ATCAY: variants seen among roughly 807,000 people sequenced by gnomAD.
The protein encoded by ATCAY is ATCAY kinesin light chain interacting caytaxin.
ATCAY carries 22 observed loss-of-function variants against 47.7 expected under a neutral mutation model. The ratio of observed to expected loss-of-function variants is 0.46; its 90% CI spans 0.33 to 0.66. ATCAY has a LOEUF of 0.66. ATCAY is among the 30% of genes least tolerant of loss of function. ATCAY has a pLI of 0.02. For synonymous variants in ATCAY, 216 were observed against 207.6 expected, an observed-to-expected ratio of 1.04 and a Z score of -0.35; for missense variants, 452 against 515.0, an observed-to-expected ratio of 0.88 and a Z score of 1.18.
Position 3,885,716 on chromosome 19 carries a change from C to T in ATCAY, c.-41-11C>T. 1 of 1,501,488 alleles carries T rather than the reference C, an allele frequency of 6.7e-7. No individual in the cohort carries two copies. The highest frequency in any genetic ancestry group is 1.4e-5 in the African/African-American group (1 of 72,084). 93.0% of individuals were successfully genotyped at this position (1,501,488 alleles called of 1,614,324 possible). Reference sequence around the variant, plus strand: ...TCCAGTAAAACCCATTCCTCTGCGGCTTCCTTTCAGGGGTCATCCCTGCTT... The same window carrying T: ...TCCAGTAAAACCCATTCCTCTGCGGTTTCCTTTCAGGGGTCATCCCTGCTT... On this transcript the variant is annotated splice_polypyrimidine_tract_variant and intron_variant, in intron 1 of 12. Coordinates refer to ENST00000450849, the MANE Select transcript of ATCAY (RefSeq NM_033064.5).
intron 1 of ATCAY, among the ~76,000 whole-genome samples, chr19:3,882,186 T>A (rs1451228645): frequency 6.6e-6 from 1 of 152,074 alleles, no homozygotes; most frequent in African/African-American, 2.4e-5. Flanking sequence ...GGGCCTTAGA[T>A]GCTTCATGTA....
In ATCAY at chr19:3,919,178, C is replaced by T. The variant is rs540744288; in HGVS notation, c.1073+301C>T. ...CTGTAATCCCAGCTACTTGGGAGGCCGAGGCAGGAGATTCGCTTGAACCCA... is the reference window on the plus strand; with the variant it reads ...CTGTAATCCCAGCTACTTGGGAGGCTGAGGCAGGAGATTCGCTTGAACCCA... On this transcript the variant is annotated intron_variant, in intron 11 of 12. Coordinates refer to ENST00000450849, the MANE Select transcript of ATCAY (RefSeq NM_033064.5). Among the ~76,000 whole-genome samples the T allele has an allele frequency of 6.0e-5, 9 of 149,762 alleles. No individual in the cohort carries two copies. In the East Asian group the frequency reaches 7.9e-4, roughly 13 times the overall value.
At chr19:3,898,676 GTTGTTTGTTTGT>G (rs746138288) in intron 2 of ATCAY, among the ~76,000 whole-genome samples, 1 of 151,950 alleles carries the variant, frequency 6.6e-6, no homozygotes, top group African/African-American at 2.4e-5. Context: ...ATGGACTGGT[GTTGTTTGTTTGT>G]TTGTTTGTTT....
chr19:3,898,801 C>T (rs1196953699), intron 2 of ATCAY, among the ~76,000 whole-genome samples: 1 of 152,102 alleles, frequency 6.6e-6, no homozygotes, highest in Non-Finnish European at 1.5e-5. Context: ...CTTGCCTCAG[C>T]CTCCCAAGTA....
Position 3,898,743 on chromosome 19 carries a change from G to A in ATCAY, c.78-3744G>A, listed in dbSNP as rs545652516. 5.3e-5 allele frequency among the ~76,000 whole-genome samples: 8 copies of A among 152,168 alleles called. No homozygotes were observed. In the East Asian group the frequency reaches 9.7e-4, roughly 18 times the overall value. The stretch of plus-strand genomic sequence containing the variant: ...TGTCCCCAGGCTGGAGTGTAGTGGC[G>A]TGACTTCAGCTCACTGCAACTTCCA... On this transcript the variant is annotated intron_variant, in intron 2 of 12. Coordinates refer to ENST00000450849, the MANE Select transcript of ATCAY (RefSeq NM_033064.5).
intron 3 of ATCAY, among the ~76,000 whole-genome samples, chr19:3,904,911 G>C (rs930161908): frequency 6.6e-6 from 1 of 152,038 alleles, no homozygotes; most frequent in African/African-American, 2.4e-5. Context: ...CCAGGCTGGA[G>C]TGCAATGGTA....
At chr19:3,892,150 A>T (rs1235113726) in intron 2 of ATCAY, among the ~76,000 whole-genome samples, 3 of 151,942 alleles carry the variant, frequency 2.0e-5, no homozygotes, top group Non-Finnish European at 4.4e-5. Context: ...TCAGCTTCCC[A>T]AAGTGCTGGG....
intron 2 of ATCAY, among the ~76,000 whole-genome samples, chr19:3,893,222 G>A (rs1379576529): frequency 6.7e-6 from 1 of 148,260 alleles, no homozygotes; most frequent in Non-Finnish European, 1.5e-5. Flanking sequence ...CGCCCAGGCT[G>A]GAGTGCAGTA....
chr19:3,896,288 G>A (rs1599281774), intron 2 of ATCAY, among the ~76,000 whole-genome samples: 1 of 144,442 alleles, frequency 6.9e-6, no homozygotes, highest in African/African-American at 2.6e-5. Context: ...TTTTTCTCGA[G>A]ACAGAGTCTC....
chr19:3,892,512 C>A (rs2038727222), intron 2 of ATCAY, among the ~76,000 whole-genome samples: 2 of 152,154 alleles, frequency 1.3e-5, no homozygotes, highest in Non-Finnish European at 2.9e-5. Flanking sequence ...ATTTGATATA[C>A]TTCCAAACTT....
chr19:3,913,791 C>T lies in ATCAY; in HGVS notation c.900C>T (p.His300=). 1 of 1,613,894 alleles carries T rather than the reference C, an allele frequency of 6.2e-7. No homozygotes were observed. Among genetic ancestry groups the T allele is most frequent in the South Asian group, 1.1e-5 (1 of 91,078 alleles). Residue 300 remains histidine (H), a synonymous_variant, in exon 9 of 13, where the codon CAC becomes CAT. Coordinates refer to ENST00000450849, the MANE Select transcript of ATCAY (RefSeq NM_033064.5). The part of the protein sequence containing the change: ...VKFINKIQYV[H]SLEDLEQLIP... ...TCATCAACAAGATCCAGTACGTGCACAGCTTGGAAGACCTGGAGCAACTCA... is the reference window on the plus strand; with the variant it reads ...TCATCAACAAGATCCAGTACGTGCATAGCTTGGAAGACCTGGAGCAACTCA...
At chr19:3,881,868 C>CT (rs531162395) in intron 1 of ATCAY, among the ~76,000 whole-genome samples, 1 of 138,536 alleles carries the variant, frequency 7.2e-6, no homozygotes, top group African/African-American at 2.9e-5. Context: ...CTGCCACCGC[C>CT]CCCCCCCCGA....
In ATCAY at chr19:3,921,014, T is replaced by C. The variant is rs139583771; in HGVS notation, c.1106+216T>C. ...GGGAGGTAGTGGTTCCCTTAACCAG[T>C]CAGGCCGTCCTTGCACAACTCCAGG... is the stretch of plus-strand genomic sequence containing the variant. On this transcript the variant is annotated intron_variant, in intron 12 of 12. Coordinates refer to ENST00000450849, the MANE Select transcript of ATCAY (RefSeq NM_033064.5). 4.6e-3 allele frequency among the ~76,000 whole-genome samples: 702 copies of C among 151,850 alleles called. 6 individuals carry two copies. Among genetic ancestry groups the C allele is most frequent in the African/African-American group, 0.016 (662 of 41,424 alleles).
At chr19:3,892,366 CTA>C (rs2038725806) in intron 2 of ATCAY, among the ~76,000 whole-genome samples, 1 of 152,000 alleles carries the variant, frequency 6.6e-6, no homozygotes, top group Non-Finnish European at 1.5e-5. Context: ...CCACACCCAG[CTA>C]TGTTTTATTT....
rs568846478 is a variant in ATCAY at position 3,907,007 on chromosome 19, G to A, written c.359-727G>A. Among the ~76,000 whole-genome samples, 3 of 151,686 alleles carry A rather than the reference G, an allele frequency of 2.0e-5. No homozygotes were observed. Among genetic ancestry groups the A allele is most frequent in the Non-Finnish European group, 2.9e-5 (2 of 67,954 alleles). On this transcript the variant is annotated intron_variant, in intron 4 of 12. Coordinates refer to ENST00000450849, the MANE Select transcript of ATCAY (RefSeq NM_033064.5). The surrounding 1 kb of genome is among the most constrained non-coding windows in gnomAD (Gnocchi z 5.1). The stretch of plus-strand genomic sequence containing the variant: ...ACAGAAATTAGCCGGGCATGGTGGC[G>A]TGCGTAGTCCCAGCTACTCGGGAGG...
chr19:3,913,030 G>A (rs1278492654), intron 8 of ATCAY, among the ~76,000 whole-genome samples: 1 of 152,152 alleles, frequency 6.6e-6, no homozygotes, highest in African/African-American at 2.4e-5. Flanking sequence ...GCTCATGACT[G>A]TAATCCCAGC....
chr19:3,884,851 C>G (rs1488963494), intron 1 of ATCAY, among the ~76,000 whole-genome samples: 1 of 151,692 alleles, frequency 6.6e-6, no homozygotes, highest in Non-Finnish European at 1.5e-5. Flanking sequence ...AATCTCAGCG[C>G]TTAGAGAGGC....
chr19:3,897,552 C>T (rs535319766), intron 2 of ATCAY, among the ~76,000 whole-genome samples: 1 of 152,044 alleles, frequency 6.6e-6, no homozygotes, highest in East Asian at 2.0e-4. Flanking sequence ...ACCTCAGCCT[C>T]CCAAAGTGCT....
At chr19:3,908,432 G>A (rs958825122) in intron 6 of ATCAY, 62 bp downstream of exon 6, 43 of 1,386,222 alleles carry the variant, frequency 3.1e-5, no homozygotes, top group African/African-American at 7.2e-5. Flanking sequence ...GGCCACAGGG[G>A]CACCAGGCTG....
Sources: gnomAD v4.1 joint callset for allele counts (sites outside exome capture counted in the v4.1 genomes callset) on GRCh38, gnomAD v4.1.1 for gene constraint, Gnocchi (gnomAD v3.1) non-coding constraint, MANE v1.5 for transcripts, NCBI Gene and HGNC (gene_info 2026-07-23, HGNC 2026-07-21) for gene names.